Variants in NBPF19 observed in about 807,000 individuals in gnomAD.
NBPF19 encodes the protein NBPF family member NBPF19.
A neutral mutation model predicts 45.9 loss-of-function variants in NBPF19; 30 were observed. That is an observed-to-expected ratio of 0.65 (90% CI 0.49 to 0.89). The LOEUF (loss-of-function observed/expected upper bound fraction) is 0.89. Among genes scored for constraint, NBPF19 ranks in the 40% least tolerant of loss-of-function variants. The probability of loss-of-function intolerance (pLI) is 0.00; values close to 1 mark genes in which losing one functional copy is unlikely to be tolerated. For missense variants in NBPF19, 495 were observed against 471.8 expected, an observed-to-expected ratio of 1.05 and a Z score of -0.46; for synonymous variants, 183 against 181.2, an observed-to-expected ratio of 1.01 and a Z score of -0.08.
chr1:149,554,453 G>A (rs1313533902), intron 93 of NBPF19, 42 bp from the exon 94 acceptor site: 1 of 1,607,946 alleles, frequency 6.2e-7, no homozygotes, highest in East Asian at 2.2e-5. Flanking sequence ...TGTGGTGTCT[G>A]ATTTTCCCTG....
intron 13 of NBPF19, among the ~76,000 whole-genome samples, chr1:149,490,927 T>C (rs1247238058): frequency 5.1e-5 from 7 of 136,040 alleles, no homozygotes; most frequent in South Asian, 2.5e-4. Flanking sequence ...TGTGCGTGTG[T>C]GTGTGTGTGT....
At chr1:149,554,199 G>A (rs2087140832) in intron 93 of NBPF19, among the ~76,000 whole-genome samples, 1 of 150,214 alleles carries the variant, frequency 6.7e-6, no homozygotes, top group Non-Finnish European at 1.5e-5. Flanking sequence ...TGTCATGAGG[G>A]CACTAACTCA....
At position 149,554,848 on chromosome 1, in the gene NBPF19, C is replaced by T. The variant is rs1301839222; in HGVS notation, c.*110C>T. On this transcript the variant is annotated 3_prime_UTR_variant, in exon 94 of 94. Coordinates refer to ENST00000651566, the MANE Select transcript of NBPF19 (RefSeq NM_001351365.2). Reference sequence around the variant, plus strand: ...TTGGAAGCCCAGACATAGGATGGGTCAGTGGGCATGGCTCTTTTCCTATTC... The same window carrying T: ...TTGGAAGCCCAGACATAGGATGGGTTAGTGGGCATGGCTCTTTTCCTATTC... 7 of 1,558,758 alleles carry T rather than the reference C, an allele frequency of 4.5e-6. No individual in the cohort carries two copies. The Admixed American group carries it at 7.0e-5, about 16-fold the overall frequency.
At chr1:149,491,050 A>C in intron 13 of NBPF19, 89 bp from the exon 14 acceptor site, 2 of 374,712 alleles carry the variant, frequency 5.3e-6, no homozygotes, top group Non-Finnish European at 9.2e-6. Flanking sequence ...TTTCTTAACC[A>C]CTTCCCTATG....
At chr1:149,480,450 A>G (rs1345521456) in intron 5 of NBPF19, among the ~76,000 whole-genome samples, 3 of 145,228 alleles carry the variant, frequency 2.1e-5, no homozygotes, top group Non-Finnish European at 4.6e-5. Context: ...CTCAGCTCCT[A>G]TCTGTCCAGT....
intron 8 of NBPF19, among the ~76,000 whole-genome samples, chr1:149,486,646 C>G (rs1162423947): frequency 2.6e-5 from 4 of 151,306 alleles, no homozygotes; most frequent in African/African-American, 7.3e-5. Flanking sequence ...TTGCCAGCTA[C>G]AAAATTCCTT....
rs1170951404 is a variant in NBPF19 at position 149,487,592 on chromosome 1, T to G, written c.1040+209T>G. Among the ~76,000 whole-genome samples, 85 of 151,044 alleles carry G rather than the reference T, an allele frequency of 5.6e-4. 1 individual carries two copies. Among genetic ancestry groups the G allele is most frequent in the African/African-American group, 2.1e-3 (85 of 41,156 alleles). ...TATCATTTACTAACCTAGTGAAAGT[T>G]GACCATACCTCAAAAGCTGTATTCT... On this transcript the variant is annotated intron_variant, in intron 9 of 93. Coordinates refer to ENST00000651566, the MANE Select transcript of NBPF19 (RefSeq NM_001351365.2).
Position 149,475,048 on chromosome 1 carries a change from G to A in NBPF19, c.-783G>A, listed in dbSNP as rs1273553438. Among the ~76,000 whole-genome samples, 1 of 146,960 alleles carries A rather than the reference G, an allele frequency of 6.8e-6. No homozygotes were observed. Among genetic ancestry groups the A allele is most frequent in the Non-Finnish European group, 1.5e-5 (1 of 66,410 alleles). ...ATTAAAAAACAAATCAACCCACATA[G>A]AGGAAGAGCTTTGGACGTAGGGATG... is the stretch of plus-strand genomic sequence containing the variant. On this transcript the variant is annotated 5_prime_UTR_variant, in exon 1 of 94. Coordinates refer to ENST00000651566, the MANE Select transcript of NBPF19 (RefSeq NM_001351365.2).
At chr1:149,488,869 G>C in intron 10 of NBPF19, 36 bp from the exon 11 acceptor site, 1 of 56,972 alleles carries the variant, frequency 1.8e-5, no homozygotes, top group South Asian at 1.2e-4. Context: ...AGGAGAACCA[G>C]CTTCATATGT....
chr1:149,554,579 C>G lies in NBPF19; in HGVS notation c.11373C>G (p.Tyr3791Ter), dbSNP rs1310520578. 2.1e-5 allele frequency: 33 copies of G among 1,608,126 alleles called. 1 individual carries two copies. Among genetic ancestry groups the G allele is most frequent in the South Asian group, 2.0e-4 (18 of 90,884 alleles). Residue 3791 changes from tyrosine (Y) to a stop codon, truncating the protein, a stop_gained, in exon 94 of 94, where the codon TAC becomes TAG. Coordinates refer to ENST00000651566, the MANE Select transcript of NBPF19 (RefSeq NM_001351365.2). LOFTEE classifies it low-confidence loss of function (END_TRUNC). Reference sequence around the variant, plus strand: ...GATGTTATTCGACTCCGTCAATGTACTTTGAACTACCTGACTCATTCCAGC... The same window carrying G: ...GATGTTATTCGACTCCGTCAATGTAGTTTGAACTACCTGACTCATTCCAGC... ...LDGCYSTPSMYFELPDSFQHY... is the reference protein window; with the variant it reads ...LDGCYSTPSM
In NBPF19 at chr1:149,554,541, G is replaced by A. The variant is rs1301690908; in HGVS notation, c.11335G>A (p.Asp3779Asn). 9 of 1,608,034 alleles carry A rather than the reference G, an allele frequency of 5.6e-6. No homozygotes were observed. Among genetic ancestry groups the A allele is most frequent in the East Asian group, 2.2e-5 (1 of 44,862 alleles). Residue 3779 changes from aspartate (D) to asparagine (N), a missense_variant, in exon 94 of 94, where the codon GAC becomes AAC. Physicochemically the swap from Asp to Asn is conservative, Grantham distance 23 (BLOSUM62 1). This residue lies in a region of NBPF19 where 248 missense variants were observed against 95.4 expected (regional missense o/e 2.60). Transcript: ENST00000651566. ...AGTGGAAGAGCCTGAAGTCTTACAG[G>A]ACTCACTGGATGGATGTTATTCGAC... ...MEVEEPEVLQ[D>N]SLDGCYSTPS...
At chr1:149,488,418 T>G (rs1379153041) in intron 10 of NBPF19, among the ~76,000 whole-genome samples, 1 of 141,528 alleles carries the variant, frequency 7.1e-6, no homozygotes, top group East Asian at 2.3e-4. Flanking sequence ...GCCCTAATCC[T>G]ACTCTCATGA....
At chr1:149,554,471 C>T (rs1258519327) in intron 93 of NBPF19, 24 bp from the exon 94 acceptor site, 7 of 1,607,854 alleles carry the variant, frequency 4.4e-6, no homozygotes, top group African/African-American at 4.0e-5. Context: ...CTGGCTGCTT[C>T]TTTAGTTTTG....
chr1:149,495,293 TG>T, intron 19 of NBPF19, 42 bp downstream of exon 19: 2 of 719,988 alleles, frequency 2.8e-6, no homozygotes, highest in Non-Finnish European at 5.1e-6. Flanking sequence ...TGTTGACATC[TG>T]GAGACTACTG....
intron 37 of NBPF19, among the ~76,000 whole-genome samples, chr1:149,509,954 G>T (rs1365182732): frequency 1.9e-5 from 1 of 51,504 alleles, no homozygotes; most frequent in Non-Finnish European, 3.9e-5. Context: ...GTGTGTGTGT[G>T]TGCGTGTGTG....
At chr1:149,488,442 C>A (rs2085764835) in intron 10 of NBPF19, among the ~76,000 whole-genome samples, 1 of 137,378 alleles carries the variant, frequency 7.3e-6, no homozygotes, top group African/African-American at 2.8e-5. Context: ...TGGACCTGGG[C>A]AGATGTGACA....
At position 149,521,099 on chromosome 1, in the gene NBPF19, T is replaced by A. The variant is rs1325851222; in HGVS notation, c.6165-220T>A. Among the ~76,000 whole-genome samples the A allele has an allele frequency of 4.8e-5, 4 of 83,354 alleles. 2 individuals carry two copies. The highest frequency in any genetic ancestry group is 1.9e-4 in the African/African-American group (4 of 20,718). 54.7% of individuals were successfully genotyped at this position (83,354 alleles called of 152,430 possible). On this transcript the variant is annotated intron_variant, in intron 51 of 93. Coordinates refer to ENST00000651566, the MANE Select transcript of NBPF19 (RefSeq NM_001351365.2). ...GTCTCTGTCTCTGTCTCTCTCTCTG[T>A]CTCTGTCTCTCTCTCTCTCTCTCTC... is the stretch of plus-strand genomic sequence containing the variant.
In NBPF19 at chr1:149,555,009, G is replaced by C; in HGVS notation, c.*271G>C. ...TTTTAATTTGAACCACGTATCTTTG[G>C]GTAGCTACAAAATTCCTCAGGGATT... is the stretch of plus-strand genomic sequence containing the variant. On this transcript the variant is annotated 3_prime_UTR_variant, in exon 94 of 94. Transcript: ENST00000651566. 1.7e-6 allele frequency: 1 copy of C among 574,518 alleles called. No homozygotes were observed. The highest frequency in any genetic ancestry group is 2.9e-6 in the Non-Finnish European group (1 of 344,160). 35.6% of individuals were successfully genotyped at this position (574,518 alleles called of 1,614,324 possible).
rs1450693822 is a variant in NBPF19, at chr1:149,475,335, A to G, written c.-496A>G. ...GTTTTAACTGAGAGCAGGTGGGGTG[A>G]CTTCATGACTACCATTAAGAAAATA... On this transcript the variant is annotated 5_prime_UTR_variant, in exon 1 of 94. Coordinates refer to ENST00000651566, the MANE Select transcript of NBPF19 (RefSeq NM_001351365.2). Among the ~76,000 whole-genome samples the G allele has an allele frequency of 1.3e-5, 2 of 149,514 alleles. No homozygotes were observed. The highest frequency in any genetic ancestry group is 3.0e-5 in the Non-Finnish European group (2 of 67,006).
Sources: allele counts gnomAD v4.1 joint callset (sites outside exome capture counted in the v4.1 genomes callset), GRCh38; gene constraint gnomAD v4.1.1; regional missense constraint gnomAD v4.1.1; transcripts MANE v1.5; gene names NCBI Gene and HGNC (gene_info 2026-07-23, HGNC 2026-07-21).